Variants in ADAM12 observed in about 807,000 individuals in gnomAD.
ADAM12 encodes ADAM metallopeptidase domain 12.
ADAM12 carries 70 observed loss-of-function variants against 106.4 expected under a neutral mutation model. The observed-to-expected ratio is 0.66, with a 90% CI of 0.54 to 0.80. ADAM12 has a LOEUF of 0.80. Ranked by LOEUF, ADAM12 falls within the 30% of genes least tolerant of loss-of-function variation. The probability of loss-of-function intolerance (pLI) is 0.00; values close to 1 mark genes in which losing one functional copy is unlikely to be tolerated. For synonymous variants in ADAM12, 420 were observed against 433.5 expected, an observed-to-expected ratio of 0.97 and a Z score of 0.39; for missense variants, 1,010 against 1,171.9, an observed-to-expected ratio of 0.86 and a Z score of 2.02.
At chr10:126,257,560 G>C (rs141218082) in intron 3 of ADAM12, among the ~76,000 whole-genome samples, 1,554 of 152,228 alleles carry the variant, frequency 0.01, 27 homozygotes, top group African/African-American at 0.035. Context: ...ACATTTTATT[G>C]ACTCTTTAAA....
chr10:126,032,266 T>C (rs1953984545), intron 21 of ADAM12, among the ~76,000 whole-genome samples: 1 of 152,198 alleles, frequency 6.6e-6, no homozygotes, highest in Admixed American at 6.5e-5. Flanking sequence ...ATTCAATTTG[T>C]GCTGCCAAAC....
chr10:126,023,471 T>C (rs1953808154), intron 21 of ADAM12, among the ~76,000 whole-genome samples: 1 of 152,194 alleles, frequency 6.6e-6, no homozygotes, highest in South Asian at 2.1e-4. Flanking sequence ...GTTTTGATAC[T>C]CTTTCACAGT....
At chr10:126,364,180 T>C (rs1855835686) in intron 1 of ADAM12, among the ~76,000 whole-genome samples, 2 of 152,010 alleles carry the variant, frequency 1.3e-5, no homozygotes, top group Admixed American at 6.6e-5. Flanking sequence ...TAGAAATAGG[T>C]TCTTAAAATC....
intron 1 of ADAM12, among the ~76,000 whole-genome samples, chr10:126,340,214 A>G (rs969450035): frequency 2.0e-5 from 3 of 152,200 alleles, no homozygotes; most frequent in South Asian, 4.1e-4. Context: ...TCTGCCTAAG[A>G]ATGGATTGTA....
At chr10:126,217,293 TC>T (rs1958004701) in intron 3 of ADAM12, among the ~76,000 whole-genome samples, 2 of 151,626 alleles carry the variant, frequency 1.3e-5, no homozygotes, top group African/African-American at 4.8e-5. Context: ...CCCATAGCTT[TC>T]TACAAGGAAG....
chr10:126,078,863 C>A (rs1304824553), intron 11 of ADAM12, among the ~76,000 whole-genome samples: 1 of 151,942 alleles, frequency 6.6e-6, no homozygotes, highest in Admixed American at 6.6e-5. Context: ...TACTAAAAAC[C>A]ATTTTCTTTA....
intron 1 of ADAM12, among the ~76,000 whole-genome samples, chr10:126,350,817 C>G (rs10901600): frequency 1.3e-5 from 2 of 152,050 alleles, no homozygotes; most frequent in African/African-American, 2.4e-5. Context: ...CCAGAATTCA[C>G]GCCTCTGGCA....
intron 1 of ADAM12, among the ~76,000 whole-genome samples, chr10:126,358,262 C>T (rs1269019174): frequency 6.6e-6 from 1 of 151,774 alleles, no homozygotes; most frequent in East Asian, 1.9e-4. Context: ...ACCTAGCACA[C>T]CAAATTCAAA....
At chr10:126,337,537 T>G (rs1212227760) in intron 1 of ADAM12, among the ~76,000 whole-genome samples, 1 of 152,216 alleles carries the variant, frequency 6.6e-6, no homozygotes, top group African/African-American at 2.4e-5. Context: ...CCACCTGCTT[T>G]GTTCCAGCTG....
chr10:126,318,058 C>T (rs1008948268), intron 2 of ADAM12, among the ~76,000 whole-genome samples: 6 of 152,132 alleles, frequency 3.9e-5, no homozygotes, highest in African/African-American at 1.4e-4. Flanking sequence ...AGCAGTGAGC[C>T]TATCTAGTAC....
At chr10:126,095,535 A>C (rs1590401952) in intron 10 of ADAM12, among the ~76,000 whole-genome samples, 5 of 143,056 alleles carry the variant, frequency 3.5e-5, no homozygotes, top group Admixed American at 1.4e-4. Context: ...CTCTGTCTCA[A>C]AAAAAAAAAA....
At chr10:126,185,559 ATGGG>A (rs555592837) in intron 3 of ADAM12, among the ~76,000 whole-genome samples, 138 of 152,146 alleles carry the variant, frequency 9.1e-4, no homozygotes, top group Non-Finnish European at 1.7e-3. Context: ...TATATGCTTA[ATGGG>A]TGAGATTACA....
chr10:126,017,328 T>G lies in ADAM12; in HGVS notation c.2672A>C (p.Gln891Pro). ...LRLAPLRPAP[Q>P]YPHQVPRSTH... ...GGATCTGGGCACTTGGTGTGGATAT[T>G]GTGGAGCAGGTCTGAATGAAGAGAG... The change falls in exon 23 of 23, where the codon CAA (glutamine) becomes CCA (proline). Residue 891 changes from glutamine to proline, a missense_variant. By Grantham distance (76) the Gln-to-Pro change is moderately conservative. Transcript: ENST00000448723. 1 of 1,587,234 alleles carries G rather than the reference T, an allele frequency of 6.3e-7. No homozygotes were observed. The highest frequency in any genetic ancestry group is 8.6e-7 in the Non-Finnish European group (1 of 1,165,616).
chr10:126,032,850 T>G (rs1428762133), intron 21 of ADAM12, among the ~76,000 whole-genome samples: 2 of 152,092 alleles, frequency 1.3e-5, no homozygotes, highest in Non-Finnish European at 2.9e-5. Flanking sequence ...GAACTGTCAA[T>G]AAACAGAAGA....
chr10:126,380,112 A>C (rs915201008), intron 1 of ADAM12, among the ~76,000 whole-genome samples: 6 of 152,212 alleles, frequency 3.9e-5, no homozygotes, highest in Non-Finnish European at 7.3e-5. Context: ...AAGGATAAAA[A>C]ATATCAATAT....
chr10:126,255,025 C>T (rs1174036716), intron 3 of ADAM12, among the ~76,000 whole-genome samples: 2 of 152,178 alleles, frequency 1.3e-5, no homozygotes, highest in African/African-American at 4.8e-5. Context: ...TGGACAGGGG[C>T]CACCCTCGGA....
At chr10:126,269,497 A>T (rs1211441093) in intron 3 of ADAM12, among the ~76,000 whole-genome samples, 2 of 152,222 alleles carry the variant, frequency 1.3e-5, no homozygotes, top group East Asian at 3.8e-4. Flanking sequence ...GAAAAAATCC[A>T]GAAGAGACAG....
intron 8 of ADAM12, among the ~76,000 whole-genome samples, chr10:126,103,585 G>A (rs139959057): frequency 1.3e-5 from 2 of 152,320 alleles, no homozygotes; most frequent in African/African-American, 4.8e-5. Flanking sequence ...TTGGAACACA[G>A]GCCAGCTAAC....
At chr10:126,299,730 G>A (rs1255473743) in intron 2 of ADAM12, among the ~76,000 whole-genome samples, 5 of 151,802 alleles carry the variant, frequency 3.3e-5, no homozygotes, top group Admixed American at 6.6e-5. Flanking sequence ...TGCAAACTCT[G>A]CCTCCTGGGT....
Sources: gnomAD v4.1 joint callset for allele counts (sites outside exome capture counted in the v4.1 genomes callset) on GRCh38, gnomAD v4.1.1 for gene constraint, MANE v1.5 for transcripts, NCBI Gene and HGNC (gene_info 2026-07-23, HGNC 2026-07-21) for gene names.